AIG1: variants seen among roughly 807,000 people sequenced by gnomAD.
AIG1 encodes androgen induced 1, also known as androgen-induced gene 1 protein.
Under a neutral mutation model 31.4 loss-of-function variants are expected in AIG1, and 23 were observed. The observed-to-expected ratio is 0.73, with a 90% CI of 0.53 to 1.04. The LOEUF (loss-of-function observed/expected upper bound fraction) is 1.04. Ranked by LOEUF, AIG1 falls within the 50% of genes least tolerant of loss-of-function variation. The probability of loss-of-function intolerance (pLI) is 0.00; values close to 1 mark genes in which losing one functional copy is unlikely to be tolerated. For missense variants in AIG1, 274 were observed against 295.0 expected (o/e 0.93, Z 0.52); for synonymous variants, 100 against 110.5 (o/e 0.90, Z 0.60).
intron 3 of AIG1, among the ~76,000 whole-genome samples, chr6:143,171,523 T>A (rs1378232413): frequency 1.5e-4 from 20 of 130,272 alleles, no homozygotes; most frequent in Admixed American, 5.3e-4. Flanking sequence ...ATAATATATA[T>A]ATTTAATATA....
intron 1 of AIG1, among the ~76,000 whole-genome samples, chr6:143,092,073 T>C (rs1428004064): frequency 6.6e-6 from 1 of 152,158 alleles, no homozygotes; most frequent in African/African-American, 2.4e-5. Flanking sequence ...GAGGAATCAC[T>C]GCCTGTGGCA....
At chr6:143,228,452 G>A (rs754771305) in intron 3 of AIG1, among the ~76,000 whole-genome samples, 3 of 152,238 alleles carry the variant, frequency 2.0e-5, no homozygotes, top group Non-Finnish European at 1.5e-5. Flanking sequence ...CTGCAGGACT[G>A]TGTGTGGGAC....
chr6:143,252,047 A>AC (rs1795046830), intron 3 of AIG1, among the ~76,000 whole-genome samples: 1 of 152,190 alleles, frequency 6.6e-6, no homozygotes, highest in Non-Finnish European at 1.5e-5. Context: ...TTATGTGAGT[A>AC]CCATCCATTC....
chr6:143,083,299 T>C (rs1337592208), intron 1 of AIG1, among the ~76,000 whole-genome samples: 1 of 152,202 alleles, frequency 6.6e-6, no homozygotes, highest in Non-Finnish European at 1.5e-5. Flanking sequence ...TGTCCAAGTA[T>C]GAGAACTGGC....
intron 1 of AIG1, among the ~76,000 whole-genome samples, chr6:143,131,350 T>G (rs1176331559): frequency 6.6e-6 from 1 of 152,250 alleles, no homozygotes; most frequent in East Asian, 1.9e-4. Context: ...CCAGAGATGT[T>G]TCACACTAAT....
intron 3 of AIG1, chr6:143,187,547 A>C: frequency 1.3e-6 from 2 of 1,536,082 alleles, no homozygotes; most frequent in Non-Finnish European, 8.7e-7. Flanking sequence ...GTAGGCCTGT[A>C]ATATTTGCAT....
At chr6:143,109,774 A>AG (rs1364165618) in intron 1 of AIG1, among the ~76,000 whole-genome samples, 6 of 152,146 alleles carry the variant, frequency 3.9e-5, no homozygotes, top group Non-Finnish European at 1.5e-5. Flanking sequence ...TTTAAAAAAA[A>AG]TTTGTTCATT....
At position 143,084,174 on chromosome 6, in the gene AIG1, G is replaced by A. The variant is rs547335135; in HGVS notation, c.141+23108G>A. ...TCAAGCATACCCGAGGCTCTGTGACGGTGATGGTATGGGCTGGTGCTTGCC... is the reference window on the plus strand; with the variant it reads ...TCAAGCATACCCGAGGCTCTGTGACAGTGATGGTATGGGCTGGTGCTTGCC... On this transcript the variant is annotated intron_variant, in intron 1 of 5. Transcript: ENST00000357847. 5.3e-5 allele frequency among the ~76,000 whole-genome samples: 8 copies of A among 152,268 alleles called. No individual in the cohort carries two copies. The South Asian group carries it at 1.0e-3, about 20-fold the overall frequency.
intron 4 of AIG1, among the ~76,000 whole-genome samples, chr6:143,312,740 C>T: frequency 6.6e-6 from 1 of 151,804 alleles, no homozygotes; most frequent in Non-Finnish European, 1.5e-5. Flanking sequence ...TTCTGCACAA[C>T]AAAGGAAACC....
intron 3 of AIG1, among the ~76,000 whole-genome samples, chr6:143,205,411 C>T (rs1251554552): frequency 1.3e-5 from 2 of 152,180 alleles, no homozygotes; most frequent in Non-Finnish European, 2.9e-5. Flanking sequence ...TTAATTTATA[C>T]AGTTTTTCCT....
chr6:143,286,725 A>G (rs1454139994), intron 4 of AIG1, among the ~76,000 whole-genome samples: 3 of 152,250 alleles, frequency 2.0e-5, no homozygotes, highest in African/African-American at 7.2e-5. Flanking sequence ...TAAATTATAA[A>G]AGAAATAGAT....
intron 3 of AIG1, among the ~76,000 whole-genome samples, chr6:143,257,729 T>A (rs1795467110): frequency 6.6e-6 from 1 of 152,222 alleles, no homozygotes; most frequent in Non-Finnish European, 1.5e-5. Context: ...TTTAATCTGC[T>A]GTTTTAACCT....
At chr6:143,263,883 G>A (rs1172393573) in intron 3 of AIG1, among the ~76,000 whole-genome samples, 1 of 152,176 alleles carries the variant, frequency 6.6e-6, no homozygotes, top group Non-Finnish European at 1.5e-5. Flanking sequence ...TGTTTACCAA[G>A]CTGAAGGAGA....
At chr6:143,208,686 A>T (rs1791331877) in intron 3 of AIG1, among the ~76,000 whole-genome samples, 1 of 152,198 alleles carries the variant, frequency 6.6e-6, no homozygotes, top group Non-Finnish European at 1.5e-5. Flanking sequence ...TTCATACTGC[A>T]TAAAAGCAAC....
At chr6:143,080,752 G>T (rs927805519) in intron 1 of AIG1, among the ~76,000 whole-genome samples, 1 of 152,156 alleles carries the variant, frequency 6.6e-6, no homozygotes, top group Non-Finnish European at 1.5e-5. Flanking sequence ...TTGTCTGCTG[G>T]ATTTTCGGGT....
intron 1 of AIG1, among the ~76,000 whole-genome samples, chr6:143,127,345 G>T (rs888362345): frequency 6.6e-6 from 1 of 151,850 alleles, no homozygotes; most frequent in African/African-American, 2.4e-5. Flanking sequence ...TCAGCATTCC[G>T]TCTTCTTGTT....
intron 3 of AIG1, among the ~76,000 whole-genome samples, chr6:143,195,117 G>T (rs948509498): frequency 3.9e-5 from 6 of 152,176 alleles, no homozygotes; most frequent in Non-Finnish European, 7.3e-5. Flanking sequence ...TCCTTGGAAG[G>T]GTGGAGAAGT....
intron 3 of AIG1, among the ~76,000 whole-genome samples, chr6:143,250,162 G>A (rs185258621): frequency 9.5e-4 from 144 of 152,328 alleles, no homozygotes; most frequent in African/African-American, 3.3e-3. Flanking sequence ...GGGCCCTAGG[G>A]CTCAGTCACT....
intron 2 of AIG1, among the ~76,000 whole-genome samples, chr6:143,150,914 C>T (rs1255616679): frequency 6.6e-6 from 1 of 152,060 alleles, no homozygotes; most frequent in Non-Finnish European, 1.5e-5. Context: ...TTTTCAACAA[C>T]AAAAATATCT....
Sources: gnomAD v4.1 joint callset for allele counts (sites outside exome capture counted in the v4.1 genomes callset) on GRCh38, gnomAD v4.1.1 for gene constraint, MANE v1.5 for transcripts, NCBI Gene and HGNC (gene_info 2026-07-23, HGNC 2026-07-21) for gene names.